POTEI: variants seen among roughly 807,000 people sequenced by gnomAD.
POTEI encodes the protein POTE ankyrin domain family member I, also known as POTE ankyrin domain family, member I.
POTEI carries 14 observed loss-of-function variants against 43.4 expected under a neutral mutation model. That is an observed-to-expected ratio of 0.32 (90% CI 0.21 to 0.50). The LOEUF is 0.50. Among genes scored for constraint, POTEI ranks in the 20% least tolerant of loss-of-function variants. POTEI has a pLI of 0.98. For synonymous variants in POTEI, 95 were observed against 297.9 expected (o/e 0.32, Z 7.01); for missense variants, 235 against 795.4 (o/e 0.30, Z 8.47).
Position 130,508,699 on chromosome 2 carries a change from G to A in POTEI, c.521+16C>T. ...TCCCCCGACCTCCCACCTCCTCCCA[G>A]CCCAGGCCTGGTTACCTCTTTTGCT... On this transcript the variant is annotated intron_variant, in intron 1 of 14. Transcript: ENST00000451531. 1.0e-6 allele frequency: 1 copy of A among 975,354 alleles called. No individual in the cohort carries two copies. The highest frequency in any genetic ancestry group is 1.4e-6 in the Non-Finnish European group (1 of 704,990). 60.4% of individuals were successfully genotyped at this position (975,354 alleles called of 1,614,324 possible).
In POTEI at chr2:130,492,913, C is replaced by A. The variant is rs377331332; in HGVS notation, c.1127-2173G>T. On this transcript the variant is annotated intron_variant, in intron 6 of 14. Transcript: ENST00000451531. Reference sequence around the variant, plus strand: ...TTTAGATTTCTATCTAGTCTTCCTACCCAGTCCATAAATTCTAACTCCTGG... The same window carrying A: ...TTTAGATTTCTATCTAGTCTTCCTAACCAGTCCATAAATTCTAACTCCTGG... Among the ~76,000 whole-genome samples the A allele has an allele frequency of 3.3e-5, 5 of 151,804 alleles. No individual in the cohort carries two copies. The East Asian group carries it at 5.8e-4, about 18-fold the overall frequency.
intron 9 of POTEI, among the ~76,000 whole-genome samples, chr2:130,485,507 AAAAAAG>A (rs1171251691): frequency 1.7e-5 from 1 of 58,026 alleles, no homozygotes; most frequent in African/African-American, 6.5e-5. Context: ...CTCCGTCTCA[AAAAAAG>A]AAAAAGAAAA....
intron 5 of POTEI, 125 bp from the exon 6 acceptor site, chr2:130,496,747 C>T (rs756687836): frequency 0.15 from 103,083 of 677,150 alleles, 8 homozygotes; most frequent in Non-Finnish European, 0.21. Context: ...TAGTATTATC[C>T]CATCCACTTA....
Position 130,479,860 on chromosome 2 carries a change from T to C in POTEI, c.1480+2143A>G, listed in dbSNP as rs574228899. On this transcript the variant is annotated intron_variant, in intron 10 of 14. Coordinates refer to ENST00000451531, the MANE Select transcript of POTEI (RefSeq NM_001277406.2). The stretch of plus-strand genomic sequence containing the variant: ...TTCTGGCAGAAAAAATATAAGTCTA[T>C]TGGGATATTTAATATCCCAATCCCC... Among the ~76,000 whole-genome samples the C allele has an allele frequency of 4.0e-3, 136 of 34,238 alleles. 58 individuals carry two copies. Among genetic ancestry groups the C allele is most frequent in the Admixed American group, 0.021 (60 of 2,822 alleles). The allele number at this position is 34,238 out of a possible 152,430, so 22.5% of individuals were successfully genotyped here.
intron 1 of POTEI, among the ~76,000 whole-genome samples, chr2:130,507,201 T>G (rs1336870490): frequency 3.7e-5 from 3 of 80,158 alleles, no homozygotes; most frequent in African/African-American, 1.3e-4. Context: ...GAGGCAGAGG[T>G]TGCAGTGAGC....
At chr2:130,467,730 A>G (rs1281608006) in intron 13 of POTEI, among the ~76,000 whole-genome samples, 1 of 152,092 alleles carries the variant, frequency 6.6e-6, no homozygotes, top group Non-Finnish European at 1.5e-5. Context: ...AACGACTAAT[A>G]TCTATAACCT....
chr2:130,483,617 C>T lies in POTEI; in HGVS notation c.1410-1544G>A, dbSNP rs1325943945. Among the ~76,000 whole-genome samples, 32 of 35,366 alleles carry T rather than the reference C, an allele frequency of 9.0e-4. 2 individuals are homozygous for T. The East Asian group carries it at 0.01, about 11-fold the overall frequency. 23.2% of individuals were successfully genotyped at this position (35,366 alleles called of 152,430 possible). A position where few individuals can be genotyped will look rare whatever the true frequency, so the allele number is the denominator to read the frequency against. On this transcript the variant is annotated intron_variant, in intron 9 of 14. Coordinates refer to ENST00000451531, the MANE Select transcript of POTEI (RefSeq NM_001277406.2). ...CAAACTTGTTTTTTTTTTTTTGAGA[C>T]GGAGTCTTGCTCTGTCACCCAGGCT...
intron 4 of POTEI, among the ~76,000 whole-genome samples, chr2:130,500,003 A>G (rs1233279026): frequency 6.7e-6 from 1 of 150,126 alleles, no homozygotes; most frequent in Admixed American, 6.7e-5. Flanking sequence ...ATAAAAAAGG[A>G]AAAAAGCTGT....
rs373478868 is a variant in POTEI at position 130,509,281 on chromosome 2, G to A, written c.-46C>T. On this transcript the variant is annotated 5_prime_UTR_variant, in exon 1 of 15. In the 5' UTR this introduces an upstream ATG that the reference lacks. Transcript: ENST00000451531. ...AGGCCGGTAGTAGCGAGCAGATCAC[G>A]TCTACCAACCAGTTTCACCAACTAG... 19 of 885,748 alleles carry A rather than the reference G, an allele frequency of 2.1e-5. No homozygotes were observed. The highest frequency in any genetic ancestry group is 4.6e-5 in the African/African-American group (2 of 43,930). 54.9% of individuals were successfully genotyped at this position (885,748 alleles called of 1,614,324 possible). A position where few individuals can be genotyped will look rare whatever the true frequency, so the allele number is the denominator to read the frequency against.
intron 1 of POTEI, among the ~76,000 whole-genome samples, chr2:130,507,309 TATATATATACACAC>T (rs1218224504): frequency 6.6e-3 from 70 of 10,558 alleles, no homozygotes; most frequent in Non-Finnish European, 0.02. Context: ...TATATATATA[TATATATATACACAC>T]ACACACACAC....
chr2:130,480,371 C>T (rs1683366612), intron 10 of POTEI, among the ~76,000 whole-genome samples: 1 of 148,362 alleles, frequency 6.7e-6, no homozygotes, highest in Non-Finnish European at 1.5e-5. Flanking sequence ...TCACTCCCAA[C>T]CTCTGGTATC....
At position 130,482,635 on chromosome 2, in the gene POTEI, C is replaced by T. The variant is rs2672197; in HGVS notation, c.1410-562G>A. ...TGCAAATGTTGTAGTTTTCAGGAAA[C>T]GTTATTAAGTCCTAATTTTGCTTCT... On this transcript the variant is annotated intron_variant, in intron 9 of 14. Coordinates refer to ENST00000451531, the MANE Select transcript of POTEI (RefSeq NM_001277406.2). Among the ~76,000 whole-genome samples, 65 of 148,116 alleles carry T rather than the reference C, an allele frequency of 4.4e-4. No individual in the cohort carries two copies. In the East Asian group the frequency reaches 7.3e-3, roughly 17 times the overall value.
At chr2:130,468,608 C>T (rs1682933701) in intron 13 of POTEI, among the ~76,000 whole-genome samples, 1 of 151,994 alleles carries the variant, frequency 6.6e-6, no homozygotes, top group Admixed American at 6.5e-5. Flanking sequence ...AGGAAACCGA[C>T]CCCATGAGCC....
Position 130,463,606 on chromosome 2 carries a change from T to C in POTEI, c.2438A>G (p.Lys813Arg). Residue 813 changes from lysine to arginine, a missense_variant, in exon 15 of 15, where the codon AAG becomes AGG. Lys to Arg is a conservative substitution (Grantham distance 26, BLOSUM62 2). Coordinates refer to ENST00000451531, the MANE Select transcript of POTEI (RefSeq NM_001277406.2). ...CTGGGTCATCTTCTCGCGGTTGGCC[T>C]TGGGGTTCAGGGGGGCCTCGGTCAG... Reference protein sequence around the residue: ...ILLTEAPLNPKANREKMTQIM... With the variant: ...ILLTEAPLNPRANREKMTQIM... 1.2e-6 allele frequency: 2 copies of C among 1,604,914 alleles called. No individual in the cohort carries two copies. The highest frequency in any genetic ancestry group is 1.1e-5 in the South Asian group (1 of 90,432).
chr2:130,500,337 TC>T (rs1558893841), intron 4 of POTEI, among the ~76,000 whole-genome samples, 198 bp downstream of exon 4: 1 of 148,882 alleles, frequency 6.7e-6, no homozygotes, highest in Non-Finnish European at 1.5e-5. Context: ...ATAACATCAG[TC>T]AATATAATGA....
rs1402243315 is a variant in POTEI at position 130,495,636 on chromosome 2, C to A, written c.1126+916G>T. On this transcript the variant is annotated intron_variant, in intron 6 of 14. Coordinates refer to ENST00000451531, the MANE Select transcript of POTEI (RefSeq NM_001277406.2). Reference sequence around the variant, plus strand: ...ATATAATGTATTAGGTGTCCACAACCAGGTAGCATACTAGCATTTTTGTTA... The same window carrying A: ...ATATAATGTATTAGGTGTCCACAACAAGGTAGCATACTAGCATTTTTGTTA... Among the ~76,000 whole-genome samples the A allele has an allele frequency of 1.7e-4, 7 of 42,068 alleles. 3 individuals are homozygous for A. The highest frequency in any genetic ancestry group is 6.4e-4 in the Admixed American group (2 of 3,104). The allele number at this position is 42,068 out of a possible 152,430, so 27.6% of individuals were successfully genotyped here. A position where few individuals can be genotyped will look rare whatever the true frequency, so the allele number is the denominator to read the frequency against.
At chr2:130,479,217 CA>C (rs1683310988) in intron 10 of POTEI, among the ~76,000 whole-genome samples, 1 of 149,738 alleles carries the variant, frequency 6.7e-6, no homozygotes, top group South Asian at 2.1e-4. Context: ...TAAACATTTA[CA>C]AAATGACTTC....
At chr2:130,507,449 C>T (rs1434832972) in intron 1 of POTEI, among the ~76,000 whole-genome samples, 3 of 94,908 alleles carry the variant, frequency 3.2e-5, no homozygotes, top group African/African-American at 9.0e-5. Flanking sequence ...TATAAATAGG[C>T]ATTTATATTT....
rs1682615934 is a variant in POTEI, at chr2:130,461,015, G to A, written c.*1801C>T. On this transcript the variant is annotated 3_prime_UTR_variant, in exon 15 of 15. Coordinates refer to ENST00000451531, the MANE Select transcript of POTEI (RefSeq NM_001277406.2). ...TGGGGGTCCCCTCCAGTCCCTAATT[G>A]CCTTGTATTTTCCAGGGAAGATGAT... is the stretch of plus-strand genomic sequence containing the variant. The A allele has an allele frequency of 1.3e-5, 2 of 149,474 alleles. No homozygotes were observed. The highest frequency in any genetic ancestry group is 2.6e-5 in the African/African-American group (1 of 39,174). The allele number at this position is 149,474 out of a possible 1,614,324, so 9.3% of individuals were successfully genotyped here.
Sources: gnomAD v4.1 joint callset for allele counts (sites outside exome capture counted in the v4.1 genomes callset) on GRCh38, gnomAD v4.1.1 for gene constraint, MANE v1.5 for transcripts, NCBI Gene and HGNC (gene_info 2026-07-23, HGNC 2026-07-21) for gene names.